Variants in NAALADL2 observed in about 807,000 individuals in gnomAD.
NAALADL2 encodes the protein inactive N-acetylated-alpha-linked acidic dipeptidase-like protein 2.
NAALADL2 carries 76 observed loss-of-function variants against 87.2 expected under a neutral mutation model. The observed-to-expected ratio is 0.87, with a 90% CI of 0.72 to 1.05. The LOEUF (loss-of-function observed/expected upper bound fraction) is 1.05, where lower values mean the gene tolerates loss of function less well. NAALADL2 is among the 50% of genes least tolerant of loss of function. The probability of loss-of-function intolerance (pLI) is 0.00; values close to 1 mark genes in which losing one functional copy is unlikely to be tolerated. For synonymous variants in NAALADL2, 354 were observed against 331.0 expected (o/e 1.07, Z -0.75); for missense variants, 1,089 against 945.8 (o/e 1.15, Z -1.99).
At chr3:175,504,409 A>G (rs978506737) in intron 9 of NAALADL2, among the ~76,000 whole-genome samples, 2 of 152,134 alleles carry the variant, frequency 1.3e-5, no homozygotes, top group African/African-American at 4.8e-5. Context: ...GTGTAAGTTG[A>G]AGCTCTAGCC....
intron 1 of NAALADL2, among the ~76,000 whole-genome samples, chr3:175,058,135 T>G (rs1393239643): frequency 1.3e-5 from 2 of 152,204 alleles, no homozygotes; most frequent in Admixed American, 6.5e-5. Flanking sequence ...GCTTCTCAAC[T>G]GAATGGTTTG....
chr3:174,653,520 T>G (rs1724595482), intron 2 of NAALADL2, among the ~76,000 whole-genome samples: 2 of 152,310 alleles, frequency 1.3e-5, no homozygotes, highest in South Asian at 4.1e-4. Context: ...ATAAATACTT[T>G]AATTTCAAGT....
At chr3:174,645,060 A>G (rs1723638357) in intron 2 of NAALADL2, among the ~76,000 whole-genome samples, 1 of 152,174 alleles carries the variant, frequency 6.6e-6, no homozygotes, top group African/African-American at 2.4e-5. Context: ...GCTGGGTTCC[A>G]AAGCAAGGGC....
chr3:175,524,675 T>C (rs1461254133), intron 9 of NAALADL2, among the ~76,000 whole-genome samples: 1 of 152,172 alleles, frequency 6.6e-6, no homozygotes, highest in Non-Finnish European at 1.5e-5. Flanking sequence ...GTTATTAGTA[T>C]ATTCCCTTTA....
At chr3:175,620,760 G>A (rs1726105747) in intron 10 of NAALADL2, among the ~76,000 whole-genome samples, 1 of 152,128 alleles carries the variant, frequency 6.6e-6, no homozygotes, top group Admixed American at 6.5e-5. Flanking sequence ...ACATGTTGCC[G>A]CTCTTTTCGT....
chr3:174,502,481 A>G (rs1361909808), intron 1 of NAALADL2, among the ~76,000 whole-genome samples: 1 of 152,222 alleles, frequency 6.6e-6, no homozygotes, highest in Non-Finnish European at 1.5e-5. Flanking sequence ...AAATACTGAT[A>G]TAGCATTATG....
intron 1 of NAALADL2, among the ~76,000 whole-genome samples, chr3:174,909,470 A>C (rs1313290548): frequency 6.6e-6 from 1 of 152,138 alleles, no homozygotes; most frequent in Admixed American, 6.6e-5. Flanking sequence ...AACTGTTAAA[A>C]TAGTCCTTTG....
intron 13 of NAALADL2, among the ~76,000 whole-genome samples, chr3:175,792,047 AT>A (rs1223697288): frequency 1.3e-5 from 2 of 152,158 alleles, no homozygotes; most frequent in Non-Finnish European, 2.9e-5. Context: ...GTACTTTGAA[AT>A]GAGATGATTT....
chr3:175,192,080 T>G (rs567435805), intron 2 of NAALADL2, among the ~76,000 whole-genome samples: 1 of 152,244 alleles, frequency 6.6e-6, no homozygotes, highest in South Asian at 2.1e-4. Context: ...GGTGTGCATG[T>G]TTTAATTTCC....
intron 1 of NAALADL2, among the ~76,000 whole-genome samples, chr3:174,926,270 T>C (rs1019800184): frequency 1.3e-5 from 2 of 152,192 alleles, no homozygotes; most frequent in African/African-American, 4.8e-5. Flanking sequence ...TGGAACCAAG[T>C]TGGAAAACAC....
intron 5 of NAALADL2, among the ~76,000 whole-genome samples, chr3:175,376,283 G>A (rs868707598): frequency 6.6e-6 from 1 of 151,622 alleles, no homozygotes; most frequent in African/African-American, 2.4e-5. Context: ...CATGTCTTGT[G>A]GTATCAGTGA....
rs540396449 is a variant in NAALADL2, at chr3:175,541,447, C to A, written c.1654-34594C>A. On this transcript the variant is annotated intron_variant, in intron 9 of 13. Transcript: ENST00000454872. ...TCCAATTAGGCAAAAGCATCTAACA[C>A]AAAGCCGATTTTATAATAAAATGTT... Among the ~76,000 whole-genome samples, 5 of 152,294 alleles carry A rather than the reference C, an allele frequency of 3.3e-5. No homozygotes were observed. In the South Asian group the frequency reaches 1.0e-3, roughly 32 times the overall value.
At chr3:175,619,286 G>GA (rs1725860862) in intron 10 of NAALADL2, among the ~76,000 whole-genome samples, 1 of 150,902 alleles carries the variant, frequency 6.6e-6, no homozygotes, top group African/African-American at 2.4e-5. Context: ...AAGAAAGAAA[G>GA]AAGGAAGGAA....
At chr3:175,446,478 G>A (rs928821905) in intron 5 of NAALADL2, among the ~76,000 whole-genome samples, 6 of 152,118 alleles carry the variant, frequency 3.9e-5, no homozygotes, top group Middle Eastern at 3.2e-3. Context: ...CTGACCTCAA[G>A]TGATCCTCCC....
chr3:175,509,402 T>TA (rs1196268712), intron 9 of NAALADL2, among the ~76,000 whole-genome samples: 1 of 152,180 alleles, frequency 6.6e-6, no homozygotes, highest in East Asian at 1.9e-4. Context: ...ACATCTCTCT[T>TA]ATTCTTCCTC....
In NAALADL2 at chr3:175,212,407, A is replaced by T. The variant is rs115502512; in HGVS notation, c.546-21524A>T. Among the ~76,000 whole-genome samples the T allele has an allele frequency of 1.7e-3, 253 of 152,256 alleles. 2 individuals are homozygous for T. Among genetic ancestry groups the T allele is most frequent in the African/African-American group, 5.9e-3 (247 of 41,564 alleles). ...AAAGCTAAAAGGGTCTGTTACATTTATGTTAAAATTTGATTATAGGATAAA... is the reference window on the plus strand; with the variant it reads ...AAAGCTAAAAGGGTCTGTTACATTTTTGTTAAAATTTGATTATAGGATAAA... On this transcript the variant is annotated intron_variant, in intron 2 of 13. Transcript: ENST00000454872.
rs116053418 is a variant in NAALADL2, at chr3:175,733,464, T to G, written c.1897-3842T>G. 4.2e-3 allele frequency among the ~76,000 whole-genome samples: 645 copies of G among 152,310 alleles called. 3 individuals carry two copies. The highest frequency in any genetic ancestry group is 0.022 in the South Asian group (105 of 4,828). ...ATAGCATGGGAAAGACCCGCTCCCA[T>G]GATTCAATCATCTCCTACTGGGTCC... On this transcript the variant is annotated intron_variant, in intron 11 of 13. Transcript: ENST00000454872.
chr3:174,633,207 T>A (rs1215940304), intron 2 of NAALADL2, among the ~76,000 whole-genome samples: 1 of 152,154 alleles, frequency 6.6e-6, no homozygotes, highest in Non-Finnish European at 1.5e-5. Flanking sequence ...AATCTTGTGT[T>A]CAGGAAGATA....
intron 1 of NAALADL2, among the ~76,000 whole-genome samples, chr3:175,031,570 A>G (rs1386169369): frequency 6.6e-6 from 1 of 152,044 alleles, no homozygotes; most frequent in Non-Finnish European, 1.5e-5. Flanking sequence ...AATAGTGCTG[A>G]GACAAACATA....
Sources: allele counts gnomAD v4.1 joint callset (sites outside exome capture counted in the v4.1 genomes callset), GRCh38; gene constraint gnomAD v4.1.1; transcripts MANE v1.5; gene names NCBI Gene and HGNC (gene_info 2026-07-23, HGNC 2026-07-21).